The following EYS variants were observed in gnomAD, a reference collection of about 807,000 sequenced individuals.
EYS encodes the protein EGF-like photoreceptor maintenance factor, also known as protein eyes shut homolog.
EYS carries 250 observed loss-of-function variants against 282.1 expected under a neutral mutation model. The observed-to-expected ratio is 0.89, with a 90% CI of 0.80 to 0.98. EYS has a LOEUF of 0.98. EYS is among the 50% of genes least tolerant of loss of function. EYS has a pLI of 0.00. For synonymous variants in EYS, 1,355 were observed against 1,282.9 expected (o/e 1.06, Z -1.20); for missense variants, 4,016 against 3,709.0 (o/e 1.08, Z -2.15).
intron 12 of EYS, among the ~76,000 whole-genome samples, chr6:65,059,602 A>G (rs1773512404): frequency 6.6e-6 from 1 of 152,066 alleles, no homozygotes; most frequent in East Asian, 1.9e-4. Flanking sequence ...GCTTTTAAAG[A>G]TATTTATACC....
intron 36 of EYS, among the ~76,000 whole-genome samples, chr6:63,840,406 C>T (rs766353324): frequency 6.6e-5 from 10 of 151,798 alleles, no homozygotes; most frequent in Non-Finnish European, 1.3e-4. Context: ...TATTGAGTTG[C>T]TTGAGTTCCT....
At chr6:65,639,742 C>T (rs1169839649) in intron 2 of EYS, 36 bp downstream of exon 2, 1 of 152,076 alleles carries the variant, frequency 6.6e-6, no homozygotes, top group Non-Finnish European at 1.5e-5. Flanking sequence ...TATAAAAACA[C>T]AGAACCTGTT....
At chr6:65,151,736 G>T (rs1764615849) in intron 12 of EYS, among the ~76,000 whole-genome samples, 1 of 151,742 alleles carries the variant, frequency 6.6e-6, no homozygotes, top group South Asian at 2.1e-4. Context: ...TCAGAGATTA[G>T]CTATGTATTT....
intron 41 of EYS, 132 bp downstream of exon 41, chr6:63,762,329 C>G (rs1769663389): frequency 1.2e-6 from 1 of 822,276 alleles, no homozygotes; most frequent in Non-Finnish European, 1.9e-6. Flanking sequence ...GTCAAATATA[C>G]TAGAAAAAGA....
At chr6:64,180,031 AGTATT>A (rs1764744700) in intron 31 of EYS, among the ~76,000 whole-genome samples, 1 of 152,172 alleles carries the variant, frequency 6.6e-6, no homozygotes, top group Non-Finnish European at 1.5e-5. Context: ...AATGAATAAA[AGTATT>A]GGATAAAGTA....
intron 22 of EYS, among the ~76,000 whole-genome samples, chr6:64,692,516 T>C (rs572708014): frequency 7.2e-4 from 109 of 152,312 alleles, no homozygotes; most frequent in African/African-American, 2.5e-3. Context: ...CAATTGCTTT[T>C]GGAGACTTAG....
At chr6:65,218,864 A>C (rs1459234914) in intron 12 of EYS, among the ~76,000 whole-genome samples, 1 of 152,160 alleles carries the variant, frequency 6.6e-6, no homozygotes, top group Non-Finnish European at 1.5e-5. Flanking sequence ...CGGGTAGAGA[A>C]GAGAAAAGGG....
intron 22 of EYS, among the ~76,000 whole-genome samples, chr6:64,726,022 T>C (rs1158243860): frequency 6.6e-6 from 1 of 152,124 alleles, no homozygotes; most frequent in Non-Finnish European, 1.5e-5. Context: ...TGTTACAGGT[T>C]CAAAAATACC....
intron 35 of EYS, among the ~76,000 whole-genome samples, chr6:63,932,039 T>G (rs1434529864): frequency 6.6e-6 from 1 of 152,126 alleles, no homozygotes; most frequent in East Asian, 1.9e-4. Context: ...CTATATGTAG[T>G]TTCCACATAT....
At chr6:63,944,619 A>G (rs1765340681) in intron 35 of EYS, among the ~76,000 whole-genome samples, 1 of 152,142 alleles carries the variant, frequency 6.6e-6, no homozygotes, top group South Asian at 2.1e-4. Flanking sequence ...TTTCAAGATT[A>G]CAATAATGAC....
chr6:65,487,343 A>T (rs6455043), intron 5 of EYS, among the ~76,000 whole-genome samples: 1,681 of 152,006 alleles, frequency 0.011, 32 homozygotes, highest in African/African-American at 0.038. Flanking sequence ...GTTGACATAC[A>T]TTCCATCGAT....
intron 26 of EYS, among the ~76,000 whole-genome samples, chr6:64,493,969 G>T (rs1776813138): frequency 6.6e-6 from 1 of 151,586 alleles, no homozygotes; most frequent in Non-Finnish European, 1.5e-5. Flanking sequence ...AGGGACTAAG[G>T]GGTCCTGAAG....
At chr6:63,934,665 T>C (rs1160502410) in intron 35 of EYS, among the ~76,000 whole-genome samples, 3 of 148,078 alleles carry the variant, frequency 2.0e-5, no homozygotes, top group East Asian at 2.0e-4. Flanking sequence ...AACCAAACAC[T>C]GCATGTTCTC....
intron 22 of EYS, among the ~76,000 whole-genome samples, chr6:64,687,516 T>A (rs568869904): frequency 2.6e-5 from 4 of 152,292 alleles, no homozygotes; most frequent in Admixed American, 2.0e-4. Context: ...ATATGATGGA[T>A]TACATTTATT....
rs1298979742 is a variant in EYS at position 65,520,618 on chromosome 6, A to G, written c.-332-24625T>C. The stretch of plus-strand genomic sequence containing the variant: ...AACAGTCTATTCCTGATATATACAT[A>G]TATGTGTGTATATATGTATATACAT... On this transcript the variant is annotated intron_variant, in intron 2 of 42. Transcript: ENST00000503581. Among the ~76,000 whole-genome samples, 3 of 152,070 alleles carry G rather than the reference A, an allele frequency of 2.0e-5. No individual in the cohort carries two copies. The East Asian group carries it at 5.8e-4, about 29-fold the overall frequency.
At chr6:65,699,544 G>C (rs1262612016) in intron 1 of EYS, among the ~76,000 whole-genome samples, 1 of 152,146 alleles carries the variant, frequency 6.6e-6, no homozygotes, top group Non-Finnish European at 1.5e-5. Context: ...CACAGAAAAA[G>C]TCTGACATGA....
intron 41 of EYS, among the ~76,000 whole-genome samples, chr6:63,740,236 T>TG (rs1296251489): frequency 1.3e-5 from 2 of 152,134 alleles, no homozygotes; most frequent in Non-Finnish European, 2.9e-5. Flanking sequence ...GATTGAGTCA[T>TG]GGGGGCAGGT....
rs556875529 is a variant in EYS at position 65,118,586 on chromosome 6, C to T, written c.2024-60859G>A. ...TATCCCACCTCTCCATGCCCTATAG[C>T]TCTGTCTCGGAACCTGTGATTGCTG... On this transcript the variant is annotated intron_variant, in intron 12 of 42. Coordinates refer to ENST00000503581, the MANE Select transcript of EYS (RefSeq NM_001142800.2). 2.6e-5 allele frequency among the ~76,000 whole-genome samples: 4 copies of T among 152,280 alleles called. No homozygotes were observed. In the South Asian group the frequency reaches 8.3e-4, roughly 32 times the overall value.
intron 36 of EYS, among the ~76,000 whole-genome samples, chr6:63,824,609 C>G (rs1771408752): frequency 6.6e-6 from 1 of 152,184 alleles, no homozygotes; most frequent in South Asian, 2.1e-4. Context: ...AGACCCTCCT[C>G]TCCCGAGCAC....
Sources: allele counts gnomAD v4.1 joint callset (sites outside exome capture counted in the v4.1 genomes callset), GRCh38; gene constraint gnomAD v4.1.1; transcripts MANE v1.5; gene names NCBI Gene and HGNC (gene_info 2026-07-23, HGNC 2026-07-21).